Variants in DNAJC13 observed in about 807,000 individuals in gnomAD.
DNAJC13 encodes dnaJ homolog subfamily C member 13.
Under a neutral mutation model 290.5 loss-of-function variants are expected in DNAJC13, and 75 were observed. That is an observed-to-expected ratio of 0.26 (90% CI 0.21 to 0.31). The LOEUF (loss-of-function observed/expected upper bound fraction) is 0.31, where lower values mean the gene tolerates loss of function less well. DNAJC13 is among the 10% of genes least tolerant of loss of function. The pLI is 1.00. For missense variants in DNAJC13, 2,260 were observed against 2,674.5 expected, an observed-to-expected ratio of 0.85 and a Z score of 3.42; for synonymous variants, 862 against 892.0, an observed-to-expected ratio of 0.97 and a Z score of 0.60.
intron 54 of DNAJC13, among the ~76,000 whole-genome samples, chr3:132,530,329 A>T (rs1297497745): frequency 6.6e-6 from 1 of 152,210 alleles, no homozygotes; most frequent in Admixed American, 6.5e-5. Context: ...ACTAGATATG[A>T]ACATTGATGT....
chr3:132,538,901 G>A lies in DNAJC13; in HGVS notation c.*619G>A, dbSNP rs1440373966. On this transcript the variant is annotated 3_prime_UTR_variant, in exon 56 of 56. Coordinates refer to ENST00000260818, the MANE Select transcript of DNAJC13 (RefSeq NM_015268.4). ...TGTCAAGATGTTATGTAAAAGATGA[G>A]TGTAATTGTGAAATGTTCTATACAC... 6.6e-6 allele frequency: 1 copy of A among 152,574 alleles called. No homozygotes were observed. The highest frequency in any genetic ancestry group is 1.5e-5 in the Non-Finnish European group (1 of 68,056). 9.5% of individuals were successfully genotyped at this position (152,574 alleles called of 1,614,324 possible). A position where few individuals can be genotyped will look rare whatever the true frequency, so the allele number is the denominator to read the frequency against.
chr3:132,506,219 A>G (rs1159072640), intron 42 of DNAJC13, among the ~76,000 whole-genome samples: 1 of 149,550 alleles, frequency 6.7e-6, no homozygotes, highest in Non-Finnish European at 1.5e-5. Context: ...TGCCTGGCTA[A>G]TTTTGTATTT....
Position 132,434,636 on chromosome 3 carries a change from G to GT in DNAJC13, c.68+27dup, listed in dbSNP as rs199617861. The GT allele has an allele frequency of 2.3e-3, 3,535 of 1,539,756 alleles. No individual in the cohort carries two copies. Among genetic ancestry groups the GT allele is most frequent in the South Asian group, 3.1e-3 (260 of 83,256 alleles). ...AGGGGGAAGTAAGTATTCTTGTTGG[G>GT]TTTTTTTTTCTGTGCTTCTATAAAA... On this transcript the variant is annotated intron_variant, in intron 2 of 55. Coordinates refer to ENST00000260818, the MANE Select transcript of DNAJC13 (RefSeq NM_015268.4).
chr3:132,490,980 A>G lies in DNAJC13; in HGVS notation c.3552A>G (p.Glu1184=). The G allele has an allele frequency of 6.2e-7, 1 of 1,613,020 alleles. No individual in the cohort carries two copies. Among genetic ancestry groups the G allele is most frequent in the East Asian group, 2.2e-5 (1 of 44,804 alleles). Residue 1184 remains glutamate (E), a synonymous_variant, in exon 32 of 56, where the codon GAA becomes GAG. Transcript: ENST00000260818. ...TGGTTTGTTACTTAGAAAATTATGA[A>G]CCTGAAAAGTTTTCTGAGATTTTTC... ...EAMVCYLENY[E]PEKFSEIFLG...
chr3:132,447,403 G>A lies in DNAJC13; in HGVS notation c.227G>A (p.Ser76Asn). The A allele has an allele frequency of 6.2e-7, 1 of 1,609,082 alleles. No individual in the cohort carries two copies. Among genetic ancestry groups the A allele is most frequent in the Non-Finnish European group, 8.5e-7 (1 of 1,177,786 alleles). The stretch of plus-strand genomic sequence containing the variant: ...TTCAACCTCACATTTCGTAAAGGCA[G>A]TGGAAAAAAGTCAGAAACTTTAAAA... ...TEFNLTFRKG[S>N]GKKSETLKFS... The change falls in exon 4 of 56, where the codon AGT becomes AAT. Residue 76 changes from serine to asparagine, a missense_variant. Coordinates refer to ENST00000260818, the MANE Select transcript of DNAJC13 (RefSeq NM_015268.4).
intron 37 of DNAJC13, 150 bp downstream of exon 37, chr3:132,499,460 A>G: frequency 1.3e-6 from 1 of 776,376 alleles, no homozygotes; most frequent in Non-Finnish European, 2.0e-6. Context: ...ACCAAATTAA[A>G]GGTAGAAATG....
At position 132,478,043 on chromosome 3, in the gene DNAJC13, G is replaced by C; in HGVS notation, c.2612G>C (p.Cys871Ser). ...FLLTPKVNMK[C>S]LCLQALAIVY... is the part of the protein sequence containing the mutation. ...CTCACCCCAAAAGTAAACATGAAGT[G>C]TTTATGTTTACAAGCCCTTGCTATT... The change falls in exon 24 of 56, where the codon TGT (cysteine) becomes TCT (serine). Residue 871 changes from cysteine (C) to serine (S), a missense_variant. Cys to Ser is a moderately radical substitution (Grantham distance 112). Around this residue, in one of 3 missense-constraint regions of DNAJC13, gnomAD observed 1,494 missense variants for 1,693.7 expected, o/e 0.88. Coordinates refer to ENST00000260818, the MANE Select transcript of DNAJC13 (RefSeq NM_015268.4). The C allele has an allele frequency of 6.2e-7, 1 of 1,613,488 alleles. No individual in the cohort carries two copies. Among genetic ancestry groups the C allele is most frequent in the Non-Finnish European group, 8.5e-7 (1 of 1,179,808 alleles).
intron 55 of DNAJC13, among the ~76,000 whole-genome samples, chr3:132,532,910 G>GTAA (rs1553753679): frequency 2.1e-5 from 1 of 48,548 alleles, no homozygotes; most frequent in Non-Finnish European, 3.4e-5. Flanking sequence ...GCTAATTTTT[G>GTAA]TAATTATTAT....
chr3:132,480,332 A>G, intron 25 of DNAJC13, 37 bp from the exon 26 acceptor site: 1 of 1,448,064 alleles, frequency 6.9e-7, no homozygotes, highest in Non-Finnish European at 9.7e-7. Flanking sequence ...GTTATGAAAA[A>G]TGTTTAGATT....
chr3:132,526,086 C>T, intron 52 of DNAJC13, 55 bp from the exon 53 acceptor site: 1 of 1,591,324 alleles, frequency 6.3e-7, no homozygotes, highest in Non-Finnish European at 8.6e-7. Flanking sequence ...ATGGTATTTA[C>T]TATGTTATAT....
intron 20 of DNAJC13, among the ~76,000 whole-genome samples, chr3:132,471,057 A>T (rs1309753904): frequency 5.2e-5 from 5 of 96,078 alleles, no homozygotes; most frequent in East Asian, 7.4e-4. Context: ...GCGGCTGGCC[A>T]GGCGGGGGGC....
rs781431406 is a variant in DNAJC13 at position 132,516,411 on chromosome 3, T to C, written c.5486-11T>C. ...GATGATGCATTCCTTGAAATGTCTT[T>C]TACTCTGCAGGTCGTCAGCTTGTTC... On this transcript the variant is annotated splice_polypyrimidine_tract_variant and intron_variant, in intron 46 of 55. Coordinates refer to ENST00000260818, the MANE Select transcript of DNAJC13 (RefSeq NM_015268.4). The C allele has an allele frequency of 2.5e-5, 40 of 1,613,414 alleles. No individual in the cohort carries two copies. In the Admixed American group the frequency reaches 5.5e-4, roughly 22 times the overall value.
chr3:132,474,489 C>G (rs1468611503), intron 21 of DNAJC13: 1 of 152,378 alleles, frequency 6.6e-6, no homozygotes, highest in Non-Finnish European at 1.5e-5. Context: ...ATCCTCCTGC[C>G]TCGGCCTCCC....
chr3:132,473,970 C>A (rs1934374574), intron 21 of DNAJC13, among the ~76,000 whole-genome samples: 1 of 152,148 alleles, frequency 6.6e-6, no homozygotes, highest in Non-Finnish European at 1.5e-5. Flanking sequence ...GGATTGCAGA[C>A]TTGAAAGTAA....
intron 13 of DNAJC13, among the ~76,000 whole-genome samples, chr3:132,459,093 G>T (rs1933709928): frequency 6.6e-6 from 1 of 152,064 alleles, no homozygotes; most frequent in Admixed American, 6.5e-5. Flanking sequence ...AACTTTAGAA[G>T]TTATTACTGT....
chr3:132,443,646 A>C (rs1008868227), intron 2 of DNAJC13, among the ~76,000 whole-genome samples: 3 of 152,194 alleles, frequency 2.0e-5, no homozygotes, highest in African/African-American at 7.2e-5. Flanking sequence ...GTCTTAAATG[A>C]CATAGAAATA....
Position 132,488,458 on chromosome 3 carries a change from A to C in DNAJC13, c.3422+6A>C. On this transcript the variant is annotated splice_donor_region_variant and intron_variant, in intron 30 of 55. Transcript: ENST00000260818. ...AATGTGCTTCCTGTTGCTCGGTAAG[A>C]ACTTTAAGGGTAATCTATTTAAAAG... 1 of 1,605,234 alleles carries C rather than the reference A, an allele frequency of 6.2e-7. No homozygotes were observed. Among genetic ancestry groups the C allele is most frequent in the Non-Finnish European group, 8.5e-7 (1 of 1,176,310 alleles).
chr3:132,512,190 AG>A (rs1935797455), intron 44 of DNAJC13, among the ~76,000 whole-genome samples: 1 of 152,182 alleles, frequency 6.6e-6, no homozygotes, highest in Non-Finnish European at 1.5e-5. Context: ...AGTTGAAGAA[AG>A]GCCTGTGCAG....
rs10663131 is a variant in DNAJC13 at position 132,487,559 on chromosome 3, A to ATTTTTTTTTTTTTTTTTTTTTTTTTT, written c.3268-719_3268-718insTTTTTTTTTTTTTTTTTTTTTTTTTT. 7.9e-4 allele frequency among the ~76,000 whole-genome samples: 87 copies of ATTTTTTTTTTTTTTTTTTTTTTTTTT among 110,422 alleles called. 18 individuals are homozygous for ATTTTTTTTTTTTTTTTTTTTTTTTTT. The highest frequency in any genetic ancestry group is 4.6e-3 in the African/African-American group (86 of 18,766). 72.4% of individuals were successfully genotyped at this position (110,422 alleles called of 152,430 possible). A position where few individuals can be genotyped will look rare whatever the true frequency, so the allele number is the denominator to read the frequency against. On this transcript the variant is annotated intron_variant, in intron 29 of 55. Coordinates refer to ENST00000260818, the MANE Select transcript of DNAJC13 (RefSeq NM_015268.4). ...GCGTGAGCCACCATGCCTGGCTGTA[A>ATTTTTTTTTTTTTTTTTTTTTTTTTT]TTTTTTTTTTTTTTTTTTTTACTGG... is the stretch of plus-strand genomic sequence containing the variant.
Sources: gnomAD v4.1 joint callset for allele counts (sites outside exome capture counted in the v4.1 genomes callset) on GRCh38, gnomAD v4.1.1 for gene constraint, gnomAD v4.1.1 regional missense constraint, MANE v1.5 for transcripts, NCBI Gene and HGNC (gene_info 2026-07-23, HGNC 2026-07-21) for gene names.